FIP1L1: variants seen among roughly 807,000 people sequenced by gnomAD.
FIP1L1 encodes the protein factor interacting with PAPOLA and CPSF1.
Under a neutral mutation model 84.6 loss-of-function variants are expected in FIP1L1, and 21 were observed. The ratio of observed to expected loss-of-function variants is 0.25; its 90% CI spans 0.18 to 0.36. The LOEUF is 0.36. FIP1L1 is among the 10% of genes least tolerant of loss of function. The pLI, the probability that FIP1L1 is intolerant of heterozygous loss-of-function variation, is 1.00. For missense variants in FIP1L1, 526 were observed against 751.1 expected (o/e 0.70, Z 3.50); for synonymous variants, 263 against 242.3 (o/e 1.09, Z -0.80).
At chr4:53,426,938 A>G (rs1320172168) in intron 12 of FIP1L1, among the ~76,000 whole-genome samples, 3 of 152,018 alleles carry the variant, frequency 2.0e-5, no homozygotes, top group Non-Finnish European at 2.9e-5. Context: ...ACTTTTTTTC[A>G]TTATTTATTC....
intron 10 of FIP1L1, among the ~76,000 whole-genome samples, chr4:53,402,536 A>T (rs28555544): frequency 0.13 from 19,759 of 152,062 alleles, 2,561 homozygotes; most frequent in African/African-American, 0.32. Flanking sequence ...ACCCCATCTC[A>T]ACTAAAAATA....
At chr4:53,378,949 GA>G (rs1175602856) in intron 1 of FIP1L1, 123 bp from the exon 2 acceptor site, 2 of 924,864 alleles carry the variant, frequency 2.2e-6, no homozygotes, top group African/African-American at 3.4e-5. Flanking sequence ...CAAAGATCTG[GA>G]AATCTTCATT....
At chr4:53,422,016 T>C (rs959112055) in intron 11 of FIP1L1, among the ~76,000 whole-genome samples, 1 of 152,192 alleles carries the variant, frequency 6.6e-6, no homozygotes, top group African/African-American at 2.4e-5. Flanking sequence ...CTGATTAAAT[T>C]GCTCTTATTG....
At chr4:53,445,798 G>A (rs1465029161) in intron 15 of FIP1L1, among the ~76,000 whole-genome samples, 2 of 152,104 alleles carry the variant, frequency 1.3e-5, no homozygotes, top group African/African-American at 4.8e-5. Flanking sequence ...GTGCTTTTAG[G>A]CAAATTAGGG....
At chr4:53,440,713 C>A in intron 13 of FIP1L1, 1 of 788,628 alleles carries the variant, frequency 1.3e-6, no homozygotes, top group Non-Finnish European at 2.2e-6. Context: ...ATGGAATAGG[C>A]TATGGGGATT....
chr4:53,379,506 G>T (rs1241960336), intron 3 of FIP1L1, among the ~76,000 whole-genome samples: 1 of 152,196 alleles, frequency 6.6e-6, no homozygotes, highest in Non-Finnish European at 1.5e-5. Context: ...ATTTTACACT[G>T]TTAAGTAACT....
intron 13 of FIP1L1, among the ~76,000 whole-genome samples, chr4:53,439,069 GAAGTT>G (rs1355664455): frequency 2.0e-5 from 3 of 152,074 alleles, no homozygotes; most frequent in Non-Finnish European, 4.4e-5. Context: ...ATCAAATAGT[GAAGTT>G]AAGTAGTGTC....
intron 5 of FIP1L1, among the ~76,000 whole-genome samples, chr4:53,388,358 G>C (rs1280240491): frequency 7.3e-6 from 1 of 136,308 alleles, no homozygotes; most frequent in Non-Finnish European, 1.6e-5. Context: ...TTTTTTTTTT[G>C]AGATAGAGTC....
chr4:53,443,152 C>T (rs1007773815), intron 14 of FIP1L1, among the ~76,000 whole-genome samples: 17 of 152,070 alleles, frequency 1.1e-4, no homozygotes, highest in African/African-American at 4.1e-4. Flanking sequence ...GGATTAGATC[C>T]ATTCTGTGTG....
intron 10 of FIP1L1, among the ~76,000 whole-genome samples, chr4:53,408,110 C>A (rs1331168479): frequency 1.3e-5 from 2 of 152,162 alleles, no homozygotes; most frequent in East Asian, 3.8e-4. Context: ...TACAGTTTGG[C>A]ATGATTTTGC....
rs73818712 is a variant in FIP1L1, at chr4:53,447,610, A to G, written c.1285+3507A>G. On this transcript the variant is annotated intron_variant, in intron 15 of 17. Coordinates refer to ENST00000337488, the MANE Select transcript of FIP1L1 (RefSeq NM_030917.4). ...CACTGCAGAGATAATTATACACCCA[A>G]GCTCCACAAGGGAGAAAGTTACATG... 1.4e-3 allele frequency among the ~76,000 whole-genome samples: 219 copies of G among 152,278 alleles called. 5 individuals carry two copies. The South Asian group carries it at 0.023, about 16-fold the overall frequency.
chr4:53,414,581 T>A (rs1355058307), intron 10 of FIP1L1, 34 bp from the exon 11 acceptor site: 1 of 1,472,446 alleles, frequency 6.8e-7, no homozygotes, highest in Non-Finnish European at 9.4e-7. Context: ...GACAACAATA[T>A]GTAAGAAAAA....
chr4:53,437,926 C>A (rs1230439171), intron 13 of FIP1L1, among the ~76,000 whole-genome samples: 1 of 151,822 alleles, frequency 6.6e-6, no homozygotes, highest in Non-Finnish European at 1.5e-5. Context: ...AGGGTTTCAC[C>A]ATGTTAGCCA....
intron 11 of FIP1L1, among the ~76,000 whole-genome samples, chr4:53,421,250 A>G (rs1319496163): frequency 5.3e-5 from 8 of 152,124 alleles, no homozygotes; most frequent in Non-Finnish European, 1.2e-4. Flanking sequence ...CTTTTTCTTT[A>G]TGTGCTTCTC....
chr4:53,426,633 T>C (rs570146289), intron 12 of FIP1L1, among the ~76,000 whole-genome samples: 1 of 152,300 alleles, frequency 6.6e-6, no homozygotes, highest in African/African-American at 2.4e-5. Flanking sequence ...CTGGTACATC[T>C]CTTGATACTA....
chr4:53,418,447 G>A (rs1760788126), intron 11 of FIP1L1, among the ~76,000 whole-genome samples: 1 of 152,118 alleles, frequency 6.6e-6, no homozygotes, highest in Non-Finnish European at 1.5e-5. Flanking sequence ...TATTCTTCAA[G>A]CTAAATCTAT....
At chr4:53,391,708 G>C (rs768967137) in intron 9 of FIP1L1, among the ~76,000 whole-genome samples, 1 of 152,092 alleles carries the variant, frequency 6.6e-6, no homozygotes, top group Non-Finnish European at 1.5e-5. Context: ...AACAAATGCC[G>C]AGTAAAACTA....
chr4:53,414,946 T>C (rs1278638844), intron 11 of FIP1L1, among the ~76,000 whole-genome samples: 3 of 152,172 alleles, frequency 2.0e-5, no homozygotes, highest in Non-Finnish European at 4.4e-5. Flanking sequence ...ATGAATTATA[T>C]TGAACCGTGC....
intron 13 of FIP1L1, among the ~76,000 whole-genome samples, chr4:53,429,391 T>C (rs193002435): frequency 6.4e-4 from 98 of 152,316 alleles, no homozygotes; most frequent in African/African-American, 2.3e-3. Flanking sequence ...TGGGATTGAC[T>C]TGTGGTTCTT....
Sources: gnomAD v4.1 joint callset for allele counts (sites outside exome capture counted in the v4.1 genomes callset) on GRCh38, gnomAD v4.1.1 for gene constraint, MANE v1.5 for transcripts, NCBI Gene and HGNC (gene_info 2026-07-23, HGNC 2026-07-21) for gene names.